Variants in DRG1 observed in about 807,000 individuals in gnomAD.
The protein encoded by DRG1 is developmentally regulated GTP binding protein 1.
A neutral mutation model predicts 38.8 loss-of-function variants in DRG1; 19 were observed. The ratio of observed to expected loss-of-function variants is 0.49; its 90% CI spans 0.34 to 0.72. DRG1 has a LOEUF of 0.72. DRG1 is among the 30% of genes least tolerant of loss of function. The pLI is 0.01. For synonymous variants in DRG1, 167 were observed against 157.5 expected (o/e 1.06, Z -0.45); for missense variants, 299 against 444.8 (o/e 0.67, Z 2.95).
chr22:31,408,134 CTTTTTTTTTTTTT>C lies in DRG1; in HGVS notation c.343-2868_343-2856del, dbSNP rs1206312150. 6.5e-4 allele frequency among the ~76,000 whole-genome samples: 25 copies of C among 38,312 alleles called. 2 individuals carry two copies. Among genetic ancestry groups the C allele is most frequent in the Middle Eastern group, 0.024 (1 of 42 alleles). 25.1% of individuals were successfully genotyped at this position (38,312 alleles called of 152,430 possible). A position where few individuals can be genotyped will look rare whatever the true frequency, so the allele number is the denominator to read the frequency against. On this transcript the variant is annotated intron_variant, in intron 3 of 8. Coordinates refer to ENST00000331457, the MANE Select transcript of DRG1 (RefSeq NM_004147.4). Reference sequence around the variant, plus strand: ...GAGCGAGACTCCCCTTTTTTTCCTTCTTTTTTTTTTTTTTTTTTTTTTGAGATAGAGTCTTGCT... The same window carrying C: ...GAGCGAGACTCCCCTTTTTTTCCTTCTTTTTTTTTGAGATAGAGTCTTGCT...
intron 4 of DRG1, among the ~76,000 whole-genome samples, chr22:31,414,514 G>T (rs1042915595): frequency 1.2e-4 from 18 of 152,162 alleles, no homozygotes; most frequent in African/African-American, 4.1e-4. Context: ...TCTTCCCTTA[G>T]TCTTTTCTAT....
At position 31,401,750 on chromosome 22, in the gene DRG1, CATCTT is replaced by C. The variant is rs555877442; in HGVS notation, c.166+1009_166+1013del. The stretch of plus-strand genomic sequence containing the variant: ...CATCCTGGGTGATAGAGCGAGATCT[CATCTT>C]AAGAAAACCAAAGTAGGGCCAGGCG... On this transcript the variant is annotated intron_variant, in intron 2 of 8. Coordinates refer to ENST00000331457, the MANE Select transcript of DRG1 (RefSeq NM_004147.4). Among the ~76,000 whole-genome samples, 23 of 151,830 alleles carry C rather than the reference CATCTT, an allele frequency of 1.5e-4. 1 individual carries two copies. In the South Asian group the frequency reaches 4.6e-3, roughly 30 times the overall value.
chr22:31,399,655 A>G lies in DRG1; in HGVS notation c.-29A>G, dbSNP rs979619111. 4.6e-5 allele frequency: 74 copies of G among 1,613,886 alleles called. No individual in the cohort carries two copies. Among genetic ancestry groups the G allele is most frequent in the Non-Finnish European group, 5.4e-5 (64 of 1,179,870 alleles). ...TGCCCGCGGGTGTGTGAAGGGAGAC[A>G]GTGTGGAGGCCACAGGGTACTCGCC... On this transcript the variant is annotated 5_prime_UTR_variant, in exon 1 of 9. Transcript: ENST00000331457.
At chr22:31,431,019 TCC>T (rs10570678) in intron 8 of DRG1, among the ~76,000 whole-genome samples, 50,105 of 81,298 alleles carry the variant, frequency 0.62, 15,264 homozygotes, top group South Asian at 0.67. Context: ...CACCCGGCCT[TCC>T]CCCCCCCCCC....
chr22:31,401,354 G>A (rs1036524912), intron 2 of DRG1, among the ~76,000 whole-genome samples: 4 of 151,794 alleles, frequency 2.6e-5, no homozygotes, highest in Non-Finnish European at 5.9e-5. Flanking sequence ...AGGCCAAGGC[G>A]TGGATCACGA....
intron 4 of DRG1, among the ~76,000 whole-genome samples, chr22:31,417,074 A>G (rs2050048775): frequency 7.2e-6 from 1 of 138,384 alleles, no homozygotes; most frequent in Admixed American, 7.4e-5. Flanking sequence ...AAAAAAAAAA[A>G]TAATAATAAT....
chr22:31,423,530 T>G, intron 6 of DRG1, 120 bp downstream of exon 6: 1 of 1,182,592 alleles, frequency 8.5e-7, no homozygotes, highest in Non-Finnish European at 1.2e-6. Flanking sequence ...TGTCTTTTTT[T>G]TTTTTTTTTT....
intron 6 of DRG1, 121 bp from the exon 7 acceptor site, chr22:31,426,494 T>C (rs1189172517): frequency 1.3e-6 from 1 of 777,636 alleles, no homozygotes; most frequent in African/African-American, 1.7e-5. Context: ...CTGGCTGATC[T>C]GCTACTTACA....
chr22:31,420,173 G>A lies in DRG1; in HGVS notation c.413-83G>A, dbSNP rs2050068550. The A allele has an allele frequency of 2.7e-6, 4 of 1,485,896 alleles. No homozygotes were observed. In the South Asian group the frequency reaches 5.3e-5, roughly 20 times the overall value. The allele number at this position is 1,485,896 out of a possible 1,614,324, so 92.0% of individuals were successfully genotyped here. A position where few individuals can be genotyped will look rare whatever the true frequency, so the allele number is the denominator to read the frequency against. ...AATCCTTTGACACTTAAATGTAGGG[G>A]GAAAAAACACCTCTACTTGAGTATT... On this transcript the variant is annotated intron_variant, in intron 4 of 8. Coordinates refer to ENST00000331457, the MANE Select transcript of DRG1 (RefSeq NM_004147.4).
rs1016387037 is a variant in DRG1 at position 31,411,071 on chromosome 22, A to G, written c.402A>G (p.Gln134=). The G allele has an allele frequency of 6.2e-6, 10 of 1,613,788 alleles. No homozygotes were observed. The highest frequency in any genetic ancestry group is 8.5e-6 in the Non-Finnish European group (10 of 1,179,798). Residue 134 remains glutamine (Q), a synonymous_variant, in exon 4 of 9, where the codon CAA becomes CAG. Transcript: ENST00000331457. Reference sequence around the variant, plus strand: ...AGGATGGGAAAGGTAGAGGTCGTCAAGTCATTGCAGGTGAGTGGTTTAAGT... The same window carrying G: ...AGGATGGGAAAGGTAGAGGTCGTCAGGTCATTGCAGGTGAGTGGTTTAAGT... ...GAKDGKGRGR[Q]VIAVARTCNL...
intron 8 of DRG1, among the ~76,000 whole-genome samples, chr22:31,429,395 C>T (rs2050127586): frequency 6.6e-6 from 1 of 151,746 alleles, no homozygotes; most frequent in African/African-American, 2.4e-5. Flanking sequence ...TGGGATTACA[C>T]ACAGGCATGA....
chr22:31,425,825 C>T (rs2050106836), intron 6 of DRG1, among the ~76,000 whole-genome samples: 1 of 152,196 alleles, frequency 6.6e-6, no homozygotes, highest in African/African-American at 2.4e-5. Context: ...AGTTGCTCTC[C>T]TAGTCATTTG....
At chr22:31,407,579 A>T (rs1190818538) in intron 3 of DRG1, among the ~76,000 whole-genome samples, 1 of 151,662 alleles carries the variant, frequency 6.6e-6, no homozygotes, top group African/African-American at 2.4e-5. Flanking sequence ...CAAGCAGTCT[A>T]CCTGCCTCAG....
At chr22:31,418,063 G>A (rs189350264) in intron 4 of DRG1, among the ~76,000 whole-genome samples, 1 of 152,042 alleles carries the variant, frequency 6.6e-6, no homozygotes, top group Non-Finnish European at 1.5e-5. Context: ...TTGGGAGGCC[G>A]AGGTGGGCAG....
chr22:31,400,540 T>G, intron 1 of DRG1, 80 bp from the exon 2 acceptor site: 4 of 1,571,400 alleles, frequency 2.5e-6, no homozygotes, highest in Non-Finnish European at 3.5e-6. Flanking sequence ...TTAGTAGGAC[T>G]TGGGGAAAAA....
chr22:31,420,142 C>A, intron 4 of DRG1, 114 bp from the exon 5 acceptor site: 1 of 1,195,416 alleles, frequency 8.4e-7, no homozygotes, highest in Non-Finnish European at 1.2e-6. Flanking sequence ...GTATGTATTA[C>A]AGAAAAATCC....
intron 3 of DRG1, among the ~76,000 whole-genome samples, chr22:31,403,542 C>T (rs1028299815): frequency 6.6e-6 from 1 of 152,188 alleles, no homozygotes; most frequent in Non-Finnish European, 1.5e-5. Flanking sequence ...TGGCACATGC[C>T]TGTAATCCCA....
At chr22:31,424,110 C>A (rs1316587561) in intron 6 of DRG1, among the ~76,000 whole-genome samples, 2 of 151,298 alleles carry the variant, frequency 1.3e-5, no homozygotes, top group South Asian at 4.2e-4. Flanking sequence ...GTGATCCACC[C>A]CACCTCGGTC....
intron 3 of DRG1, 69 bp downstream of exon 3, chr22:31,403,273 G>T (rs1218904021): frequency 6.1e-6 from 9 of 1,483,786 alleles, no homozygotes; most frequent in Non-Finnish European, 7.2e-6. Context: ...TTTATTGGGA[G>T]CTCACTGTAT....
Sources: gnomAD v4.1 joint callset for allele counts (sites outside exome capture counted in the v4.1 genomes callset) on GRCh38, gnomAD v4.1.1 for gene constraint, MANE v1.5 for transcripts, NCBI Gene and HGNC (gene_info 2026-07-23, HGNC 2026-07-21) for gene names.